Variants in OTUD7A observed in about 807,000 individuals in gnomAD.
OTUD7A encodes OTU domain-containing protein 7A.
A neutral mutation model predicts 65.7 loss-of-function variants in OTUD7A; 12 were observed. The ratio of observed to expected loss-of-function variants is 0.18; its 90% CI spans 0.12 to 0.30. The LOEUF (loss-of-function observed/expected upper bound fraction) is 0.30, where lower values mean the gene tolerates loss of function less well. OTUD7A is among the 10% of genes least tolerant of loss of function. The probability of loss-of-function intolerance (pLI) is 1.00; values close to 1 mark genes in which losing one functional copy is unlikely to be tolerated. For synonymous variants in OTUD7A, 641 were observed against 586.3 expected (o/e 1.09, Z -1.35); for missense variants, 1,148 against 1,304.8 (o/e 0.88, Z 1.85).
intron 3 of OTUD7A, among the ~76,000 whole-genome samples, chr15:31,628,956 T>C (rs1891052326): frequency 6.6e-6 from 1 of 152,232 alleles, no homozygotes; most frequent in African/African-American, 2.4e-5. Context: ...TCCTGAGACT[T>C]TGTTGAAGTT....
chr15:31,731,695 T>C (rs1327218347), intron 1 of OTUD7A, among the ~76,000 whole-genome samples: 2 of 152,202 alleles, frequency 1.3e-5, no homozygotes, highest in Non-Finnish European at 2.9e-5. Flanking sequence ...ATGTAAATCA[T>C]GGACTCTGGG....
intron 4 of OTUD7A, among the ~76,000 whole-genome samples, chr15:31,569,591 A>G (rs1888981542): frequency 6.6e-6 from 1 of 152,224 alleles, no homozygotes; most frequent in Admixed American, 6.5e-5. Context: ...TTCCTTTGTT[A>G]TAATAAGCAT....
intron 1 of OTUD7A, among the ~76,000 whole-genome samples, chr15:31,819,651 A>G (rs964892441): frequency 2.0e-5 from 3 of 152,116 alleles, no homozygotes; most frequent in African/African-American, 7.2e-5. Flanking sequence ...TCATATGTGT[A>G]TAATTCAAAA....
intron 1 of OTUD7A, among the ~76,000 whole-genome samples, chr15:31,734,073 C>CA (rs1331831782): frequency 3.3e-5 from 5 of 152,016 alleles, no homozygotes; most frequent in Admixed American, 2.0e-4. Flanking sequence ...GAAGTATGAA[C>CA]AAAAGAACTG....
intron 3 of OTUD7A, among the ~76,000 whole-genome samples, chr15:31,636,537 G>A (rs1595675146): frequency 6.6e-6 from 1 of 151,682 alleles, no homozygotes; most frequent in Non-Finnish European, 1.5e-5. Context: ...AAAATGTCAA[G>A]TTGTTCAAAT....
intron 1 of OTUD7A, among the ~76,000 whole-genome samples, chr15:31,788,814 C>A (rs1168692987): frequency 6.6e-6 from 1 of 152,196 alleles, no homozygotes; most frequent in East Asian, 1.9e-4. Context: ...CTTCAGAGCT[C>A]TTTGTAGTTT....
At chr15:31,797,121 C>G (rs1180274035) in intron 1 of OTUD7A, among the ~76,000 whole-genome samples, 4 of 152,164 alleles carry the variant, frequency 2.6e-5, no homozygotes, top group Admixed American at 6.5e-5. Context: ...GCTCCTCATT[C>G]AGAGCTGCCC....
At position 31,481,784 on chromosome 15, in the gene OTUD7A, A is replaced by G. The variant is rs1440411650; in HGVS notation, c.*1510T>C. The stretch of plus-strand genomic sequence containing the variant: ...TTTTTGCTGCTCTTTAGTTAGGGAA[A>G]AAAGCATCGTTTCTAGAGGAGAAGC... On this transcript the variant is annotated 3_prime_UTR_variant, in exon 13 of 13. Coordinates refer to ENST00000307050, the MANE Select transcript of OTUD7A (RefSeq NM_001382637.1). 6.6e-6 allele frequency: 1 copy of G among 152,496 alleles called. No individual in the cohort carries two copies. The highest frequency in any genetic ancestry group is 6.5e-5 in the Admixed American group (1 of 15,272). The allele number at this position is 152,496 out of a possible 1,614,324, so 9.4% of individuals were successfully genotyped here. A position where few individuals can be genotyped will look rare whatever the true frequency, so the allele number is the denominator to read the frequency against.
At chr15:31,817,317 A>C (rs1896576536) in intron 1 of OTUD7A, among the ~76,000 whole-genome samples, 1 of 138,902 alleles carries the variant, frequency 7.2e-6, no homozygotes, top group Non-Finnish European at 1.6e-5. Context: ...GATCTTGCTG[A>C]AAGTCTAGAG....
At chr15:31,608,913 T>G (rs921610325) in intron 3 of OTUD7A, among the ~76,000 whole-genome samples, 8 of 152,188 alleles carry the variant, frequency 5.3e-5, no homozygotes, top group Non-Finnish European at 8.8e-5. Context: ...CCCCAAATAC[T>G]GGGAGTGCCC....
intron 1 of OTUD7A, among the ~76,000 whole-genome samples, chr15:31,831,158 G>T (rs188887200): frequency 1.3e-5 from 2 of 152,264 alleles, no homozygotes; most frequent in East Asian, 3.9e-4. Context: ...AAAAATTAGA[G>T]ATGAATCACA....
intron 1 of OTUD7A, among the ~76,000 whole-genome samples, chr15:31,716,611 G>A (rs1349334549): frequency 5.7e-5 from 8 of 141,582 alleles, no homozygotes; most frequent in Non-Finnish European, 6.3e-5. Context: ...CTTTGTTACC[G>A]CATCTCAAAG....
intron 7 of OTUD7A, among the ~76,000 whole-genome samples, chr15:31,526,835 A>G (rs2042021801): frequency 6.6e-6 from 1 of 152,174 alleles, no homozygotes; most frequent in Admixed American, 6.5e-5. Flanking sequence ...GACTGAGCTC[A>G]CACACAGGGG....
chr15:31,833,370 T>C (rs1448036410), intron 1 of OTUD7A, among the ~76,000 whole-genome samples: 1 of 152,236 alleles, frequency 6.6e-6, no homozygotes, highest in Non-Finnish European at 1.5e-5. Flanking sequence ...GTATAATTTC[T>C]GGTTATTAGA....
At chr15:31,501,998 G>T (rs1382611683) in intron 9 of OTUD7A, among the ~76,000 whole-genome samples, 159 bp from the exon 10 acceptor site, 1 of 152,108 alleles carries the variant, frequency 6.6e-6, no homozygotes, top group Non-Finnish European at 1.5e-5. Flanking sequence ...TGGGGCTGAG[G>T]GTTTCCAGAG....
chr15:31,483,442 C>T lies in OTUD7A; in HGVS notation c.2654G>A (p.Cys885Tyr). ...CACCGGCCCCGGGCCGCCACGGCCG[C>T]ACTCACCGTTCGAGCGCGCGGTCGG... is the stretch of plus-strand genomic sequence containing the variant. ...DAPTARSNGE[C>Y]GRGGPGPVQR... The change falls in exon 13 of 13, where the codon TGC becomes TAC. Residue 885 changes from cysteine (C) to tyrosine (Y), a missense_variant. Around this residue, in one of 6 missense-constraint regions of OTUD7A, gnomAD observed 842 missense variants for 769.5 expected, o/e 1.09. Coordinates refer to ENST00000307050, the MANE Select transcript of OTUD7A (RefSeq NM_001382637.1). The T allele has an allele frequency of 7.2e-7, 1 of 1,383,932 alleles. No homozygotes were observed. The highest frequency in any genetic ancestry group is 9.4e-7 in the Non-Finnish European group (1 of 1,069,210). 85.7% of individuals were successfully genotyped at this position (1,383,932 alleles called of 1,614,324 possible).
At chr15:31,639,123 A>C (rs1169933457) in intron 3 of OTUD7A, among the ~76,000 whole-genome samples, 13 of 152,148 alleles carry the variant, frequency 8.5e-5, no homozygotes, top group Non-Finnish European at 1.3e-4. Flanking sequence ...CTAAAAAAAA[A>C]AAAGATTCCT....
At chr15:31,578,062 C>T (rs1031110796) in intron 3 of OTUD7A, among the ~76,000 whole-genome samples, 1 of 152,006 alleles carries the variant, frequency 6.6e-6, no homozygotes, top group Non-Finnish European at 1.5e-5. Flanking sequence ...AATTTGAAGG[C>T]CCCCCGACAA....
chr15:31,837,106 T>A (rs1897072412), intron 1 of OTUD7A, among the ~76,000 whole-genome samples: 1 of 152,000 alleles, frequency 6.6e-6, no homozygotes, highest in Non-Finnish European at 1.5e-5. Flanking sequence ...CTACAGAAAA[T>A]CTTCTAGTAC....
Sources: allele counts gnomAD v4.1 joint callset (sites outside exome capture counted in the v4.1 genomes callset), GRCh38; gene constraint gnomAD v4.1.1; regional missense constraint gnomAD v4.1.1; transcripts MANE v1.5; gene names NCBI Gene and HGNC (gene_info 2026-07-23, HGNC 2026-07-21).